GPATCH2: variants seen among roughly 807,000 people sequenced by gnomAD.
GPATCH2 encodes G patch domain-containing protein 2.
Under a neutral mutation model 58.0 loss-of-function variants are expected in GPATCH2, and 51 were observed. The ratio of observed to expected loss-of-function variants is 0.88; its 90% CI spans 0.70 to 1.11. The LOEUF is 1.11. Ranked by LOEUF, GPATCH2 falls within the 50% of genes most tolerant of loss-of-function variation. The pLI, the probability that GPATCH2 is intolerant of heterozygous loss-of-function variation, is 0.00. For synonymous variants in GPATCH2, 222 were observed against 218.5 expected, an observed-to-expected ratio of 1.02 and a Z score of -0.14; for missense variants, 625 against 652.2, an observed-to-expected ratio of 0.96 and a Z score of 0.45.
chr1:217,432,810 G>T (rs777807996), intron 9 of GPATCH2, among the ~76,000 whole-genome samples: 1 of 152,042 alleles, frequency 6.6e-6, no homozygotes, highest in Non-Finnish European at 1.5e-5. Context: ...AACATATTCG[G>T]CCCAGTCCAA....
intron 8 of GPATCH2, among the ~76,000 whole-genome samples, chr1:217,456,748 A>G (rs889983218): frequency 2.6e-5 from 4 of 152,364 alleles, no homozygotes; most frequent in Non-Finnish European, 2.9e-5. Context: ...CAAACTATTC[A>G]TAACCTAAAA....
intron 8 of GPATCH2, among the ~76,000 whole-genome samples, chr1:217,486,816 CCTTTT>C (rs1226536595): frequency 6.6e-6 from 1 of 152,176 alleles, no homozygotes; most frequent in East Asian, 1.9e-4. Context: ...TAGGAGAATA[CCTTTT>C]CCCTCTTCTC....
chr1:217,533,290 G>A (rs146589436), intron 5 of GPATCH2, among the ~76,000 whole-genome samples: 101 of 151,930 alleles, frequency 6.6e-4, no homozygotes, highest in African/African-American at 2.3e-3. Context: ...TTGTTTATGC[G>A]GATTATATCT....
intron 8 of GPATCH2, among the ~76,000 whole-genome samples, chr1:217,490,502 T>C (rs1390307171): frequency 1.3e-5 from 2 of 152,206 alleles, no homozygotes; most frequent in African/African-American, 2.4e-5. Context: ...TGATTGATTG[T>C]ATCACAGATC....
intron 3 of GPATCH2, among the ~76,000 whole-genome samples, chr1:217,613,205 C>A (rs1474710802): frequency 6.6e-6 from 1 of 151,870 alleles, no homozygotes; most frequent in Non-Finnish European, 1.5e-5. Flanking sequence ...CATGGTCTTT[C>A]AAACAGTTAT....
intron 8 of GPATCH2, among the ~76,000 whole-genome samples, chr1:217,483,836 T>C (rs1008072431): frequency 6.6e-6 from 1 of 152,228 alleles, no homozygotes; most frequent in Non-Finnish European, 1.5e-5. Context: ...GATTTCTTAT[T>C]ACTGAGTTTT....
In GPATCH2 at chr1:217,630,955, C is replaced by A; in HGVS notation, c.17G>T (p.Gly6Val). Residue 6 changes from glycine to valine, a missense_variant, in exon 1 of 10, where the codon GGG (glycine) becomes GTG (valine). Transcript: ENST00000366935. ...TGCTGGAGCTCCGATCGGTTGGCGC[C>A]CGGCGGCCCCGAACATTAACGACAC... The part of the protein sequence containing the change: MFGAA[G>V]RQPIGAPAAG... The A allele has an allele frequency of 1.3e-6, 2 of 1,588,156 alleles. No individual in the cohort carries two copies. Among genetic ancestry groups the A allele is most frequent in the Non-Finnish European group, 1.7e-6 (2 of 1,172,440 alleles).
At chr1:217,443,290 T>G (rs867807137) in intron 9 of GPATCH2, among the ~76,000 whole-genome samples, 1 of 152,212 alleles carries the variant, frequency 6.6e-6, no homozygotes, top group African/African-American at 2.4e-5. Flanking sequence ...CACTCTTGGG[T>G]AATAATTTAG....
chr1:217,620,218 T>C lies in GPATCH2; in HGVS notation c.338A>G (p.Asp113Gly). 1 of 1,614,052 alleles carries C rather than the reference T, an allele frequency of 6.2e-7. No homozygotes were observed. The highest frequency in any genetic ancestry group is 8.5e-7 in the Non-Finnish European group (1 of 1,179,906). Residue 113 changes from aspartate to glycine, a missense_variant, in exon 2 of 10, where the codon GAT becomes GGT. By Grantham distance (94) the Asp-to-Gly change is moderately conservative. Coordinates refer to ENST00000366935, the MANE Select transcript of GPATCH2 (RefSeq NM_018040.5). The stretch of plus-strand genomic sequence containing the variant: ...CATTTGGTCATCAGAGTCACTGTGA[T>C]CTTTTTTATTATTATTGTGATTCTC... The part of the protein sequence containing the change: ...YRENHNNNKK[D>G]HSDSDDQMLV...
At chr1:217,454,378 T>A (rs374546717) in intron 8 of GPATCH2, among the ~76,000 whole-genome samples, 13 of 151,814 alleles carry the variant, frequency 8.6e-5, no homozygotes, top group Admixed American at 3.9e-4. Flanking sequence ...TCACGAGGTC[T>A]GGAAATCGAG....
At chr1:217,594,110 T>C (rs1667712257) in intron 5 of GPATCH2, among the ~76,000 whole-genome samples, 1 of 152,116 alleles carries the variant, frequency 6.6e-6, no homozygotes, top group African/African-American at 2.4e-5. Context: ...GGCTAAGTGC[T>C]CCATAAATGT....
At chr1:217,466,692 A>C (rs1004015603) in intron 8 of GPATCH2, among the ~76,000 whole-genome samples, 5 of 152,194 alleles carry the variant, frequency 3.3e-5, no homozygotes, top group African/African-American at 1.2e-4. Flanking sequence ...AGAGGGCCTG[A>C]AACTGTTACA....
intron 1 of GPATCH2, among the ~76,000 whole-genome samples, chr1:217,621,426 G>A (rs2102844153): frequency 6.6e-6 from 1 of 152,248 alleles, no homozygotes; most frequent in Admixed American, 6.5e-5. Flanking sequence ...GGCACCTAGG[G>A]ATTGAAATAT....
intron 5 of GPATCH2, among the ~76,000 whole-genome samples, chr1:217,524,826 G>A (rs972566154): frequency 2.6e-5 from 3 of 113,866 alleles, no homozygotes; most frequent in Admixed American, 9.3e-5. Context: ...GTCCAGCTTC[G>A]GCTTGGCATC....
intron 5 of GPATCH2, among the ~76,000 whole-genome samples, chr1:217,560,930 C>T (rs888967405): frequency 2.0e-5 from 3 of 152,134 alleles, no homozygotes; most frequent in African/African-American, 7.2e-5. Flanking sequence ...TAAAAGTTGG[C>T]ATAGACAGTG....
chr1:217,558,818 C>T (rs1665772637), intron 5 of GPATCH2, among the ~76,000 whole-genome samples: 1 of 152,050 alleles, frequency 6.6e-6, no homozygotes, highest in Non-Finnish European at 1.5e-5. Flanking sequence ...AATAATAAAA[C>T]ATAACAAAAG....
intron 5 of GPATCH2, among the ~76,000 whole-genome samples, chr1:217,563,130 T>C (rs989446001): frequency 2.6e-5 from 4 of 152,210 alleles, no homozygotes; most frequent in East Asian, 1.9e-4. Flanking sequence ...CCGTTCCTAC[T>C]AGCCTAGCTT....
chr1:217,609,305 T>G, intron 5 of GPATCH2: 1 of 985,306 alleles, frequency 1.0e-6, no homozygotes, highest in Non-Finnish European at 1.2e-6. Context: ...AGCTCTCACT[T>G]TTAAACATGA....
chr1:217,449,863 T>A (rs1372647695), intron 8 of GPATCH2, among the ~76,000 whole-genome samples: 1 of 152,212 alleles, frequency 6.6e-6, no homozygotes, highest in Non-Finnish European at 1.5e-5. Flanking sequence ...AATTATTTAT[T>A]AGCTGAGTGA....
Sources: allele counts gnomAD v4.1 joint callset (sites outside exome capture counted in the v4.1 genomes callset), GRCh38; gene constraint gnomAD v4.1.1; transcripts MANE v1.5; gene names NCBI Gene and HGNC (gene_info 2026-07-23, HGNC 2026-07-21).